Variants in IRF2 observed in about 807,000 individuals in gnomAD.
The protein encoded by IRF2 is interferon regulatory factor 2.
A neutral mutation model predicts 40.6 loss-of-function variants in IRF2; 15 were observed. That is an observed-to-expected ratio of 0.37 (90% confidence interval 0.25 to 0.57). The LOEUF is 0.57. IRF2 is among the 20% of genes least tolerant of loss of function. The pLI is 0.77. For missense variants in IRF2, 317 were observed against 455.7 expected (o/e 0.70, Z 2.77); for synonymous variants, 151 against 165.5 (o/e 0.91, Z 0.67).
intron 8 of IRF2, 146 bp from the exon 9 acceptor site, chr4:184,389,212 G>A (rs1274570624): frequency 1.3e-6 from 1 of 762,054 alleles, no homozygotes; most frequent in South Asian, 1.6e-5. Context: ...TTAACCTCAG[G>A]AGTTTGAGAC....
In IRF2 at chr4:184,388,889, G is replaced by C. The variant is rs199721289; in HGVS notation, c.919C>G (p.Pro307Ala). The change falls in exon 9 of 9, where the codon CCT (proline) becomes GCT (alanine). Residue 307 changes from proline to alanine, a missense_variant. By Grantham distance (27) the Pro-to-Ala change is conservative. Transcript: ENST00000393593. The surrounding 1 kb of genome is among the most constrained non-coding windows in gnomAD (Gnocchi z 4.6). Reference sequence around the variant, plus strand: ...GAAGAAAGGGGGAGGTCTTGAAAAGGGGGCCAGGAGCTGTTGTAAGGCACC... The same window carrying C: ...GAAGAAAGGGGGAGGTCTTGAAAAGCGGGCCAGGAGCTGTTGTAAGGCACC... The part of the protein sequence containing the change: ...NPVPYNSSWP[P>A]FQDLPLSSSM... 2 of 1,614,078 alleles carry C rather than the reference G, an allele frequency of 1.2e-6. No homozygotes were observed. The highest frequency in any genetic ancestry group is 2.7e-5 in the African/African-American group (2 of 75,004).
At chr4:184,430,676 A>G (rs1256296034) in intron 1 of IRF2, among the ~76,000 whole-genome samples, 2 of 152,046 alleles carry the variant, frequency 1.3e-5, no homozygotes, top group Non-Finnish European at 2.9e-5. Flanking sequence ...AACCAAATTT[A>G]AGTTCTACCG....
chr4:184,470,168 C>G (rs1257900998), intron 1 of IRF2, among the ~76,000 whole-genome samples: 1 of 152,142 alleles, frequency 6.6e-6, no homozygotes, highest in East Asian at 1.9e-4. Flanking sequence ...CCTCCTACCC[C>G]TGTGCAGGAA....
At chr4:184,440,897 T>G (rs1454447665) in intron 1 of IRF2, among the ~76,000 whole-genome samples, 1 of 152,144 alleles carries the variant, frequency 6.6e-6, no homozygotes, top group Admixed American at 6.5e-5. Context: ...CCTACAGGGT[T>G]GGAGATCTCT....
At chr4:184,393,452 G>A (rs1183066786) in intron 7 of IRF2, among the ~76,000 whole-genome samples, 1 of 152,168 alleles carries the variant, frequency 6.6e-6, no homozygotes, top group Non-Finnish European at 1.5e-5. Flanking sequence ...AACCAAGCAT[G>A]CTTTGGGGGC....
chr4:184,410,155 C>T (rs1179215379), intron 5 of IRF2, among the ~76,000 whole-genome samples: 2 of 152,122 alleles, frequency 1.3e-5, no homozygotes, highest in Non-Finnish European at 2.9e-5. Flanking sequence ...ATCAGAAGGG[C>T]CTGGAGCAAA....
chr4:184,445,783 A>C (rs924954381), intron 1 of IRF2, among the ~76,000 whole-genome samples: 1 of 152,148 alleles, frequency 6.6e-6, no homozygotes, highest in African/African-American at 2.4e-5. Flanking sequence ...CCAAAAGCCC[A>C]TTTGATGCAA....
At position 184,435,552 on chromosome 4, in the gene IRF2, A is replaced by G. The variant is rs115099879; in HGVS notation, c.-6-6482T>C. On this transcript the variant is annotated intron_variant, in intron 1 of 8. Transcript: ENST00000393593. ...ATTTAAATGCATCAGAGAGCTAACAAGGTAGTTAAAAATTAGGGGGGCAAG... is the reference window on the plus strand; with the variant it reads ...ATTTAAATGCATCAGAGAGCTAACAGGGTAGTTAAAAATTAGGGGGGCAAG... Among the ~76,000 whole-genome samples, 639 of 152,304 alleles carry G rather than the reference A, an allele frequency of 4.2e-3. 3 individuals are homozygous for G. Among genetic ancestry groups the G allele is most frequent in the African/African-American group, 0.015 (611 of 41,576 alleles).
chr4:184,405,566 T>A (rs1736824403), intron 6 of IRF2, among the ~76,000 whole-genome samples: 1 of 152,192 alleles, frequency 6.6e-6, no homozygotes, highest in Non-Finnish European at 1.5e-5. Context: ...CTGGGGGAAC[T>A]CAGCTCCTTC....
chr4:184,388,688 A>C lies in IRF2; in HGVS notation c.*70T>G. On this transcript the variant is annotated 3_prime_UTR_variant, in exon 9 of 9. Transcript: ENST00000393593. This position sits in a 1 kb window ranked among gnomAD's most constrained non-coding sequence, Gnocchi z 4.6. The stretch of plus-strand genomic sequence containing the variant: ...GTCTAAAATAGGTGTCAGAGAGAAA[A>C]AAATAAAATACAAACAAACAACAAA... 2 of 1,507,536 alleles carry C rather than the reference A, an allele frequency of 1.3e-6. No homozygotes were observed. The highest frequency in any genetic ancestry group is 1.8e-6 in the Non-Finnish European group (2 of 1,113,404). 93.4% of individuals were successfully genotyped at this position (1,507,536 alleles called of 1,614,324 possible).
chr4:184,409,012 C>A (rs2149896792), intron 5 of IRF2, among the ~76,000 whole-genome samples: 1 of 152,146 alleles, frequency 6.6e-6, no homozygotes, highest in Non-Finnish European at 1.5e-5. Context: ...TCAAGTGCAC[C>A]AGAACCCTCC....
intron 7 of IRF2, 21 bp downstream of exon 7, chr4:184,398,894 G>C (rs772168170): frequency 6.4e-7 from 1 of 1,568,130 alleles, no homozygotes; most frequent in African/African-American, 1.4e-5. Context: ...ACGCCTCCCG[G>C]AGCCTCCCGC....
intron 1 of IRF2, among the ~76,000 whole-genome samples, chr4:184,470,822 G>A (rs1480201565): frequency 6.6e-6 from 1 of 152,110 alleles, no homozygotes; most frequent in African/African-American, 2.4e-5. Context: ...AAAGCACAGA[G>A]AGGCTTGGGA....
intron 1 of IRF2, among the ~76,000 whole-genome samples, chr4:184,462,465 T>C (rs372372950): frequency 6.6e-6 from 1 of 152,360 alleles, no homozygotes. Context: ...TGAAGGCAAC[T>C]GTAAAATACT....
intron 5 of IRF2, among the ~76,000 whole-genome samples, chr4:184,411,818 C>A (rs1737083497): frequency 6.6e-6 from 1 of 151,918 alleles, no homozygotes. Context: ...CTCCTGGACC[C>A]CCGATGCCCC....
intron 7 of IRF2, among the ~76,000 whole-genome samples, chr4:184,391,116 T>C (rs1202311556): frequency 2.5e-4 from 38 of 152,206 alleles, no homozygotes; most frequent in Admixed American, 2.5e-3. Flanking sequence ...CAGTGCAGAG[T>C]TGACCGTTTC....
chr4:184,388,583 C>G lies in IRF2; in HGVS notation c.*175G>C, dbSNP rs1736137004. 1.6e-6 allele frequency: 1 copy of G among 634,268 alleles called. No homozygotes were observed. Among genetic ancestry groups the G allele is most frequent in the Non-Finnish European group, 2.7e-6 (1 of 377,170 alleles). The allele number at this position is 634,268 out of a possible 1,614,324, so 39.3% of individuals were successfully genotyped here. On this transcript the variant is annotated 3_prime_UTR_variant, in exon 9 of 9. Coordinates refer to ENST00000393593, the MANE Select transcript of IRF2 (RefSeq NM_002199.4). The surrounding 1 kb of genome is among the most constrained non-coding windows in gnomAD (Gnocchi z 4.6). ...ACACGTCTACCAATGGGCTGGAGTC[C>G]TGAGTTAAAGAGAAGCTCCAGTACT... is the stretch of plus-strand genomic sequence containing the variant.
chr4:184,461,439 T>C (rs1739140880), intron 1 of IRF2, among the ~76,000 whole-genome samples: 1 of 152,196 alleles, frequency 6.6e-6, no homozygotes, highest in Admixed American at 6.5e-5. Context: ...ATAAGTAAAA[T>C]CGTTTCTGGA....
intron 1 of IRF2, among the ~76,000 whole-genome samples, chr4:184,458,809 G>A (rs1739033288): frequency 6.6e-6 from 1 of 152,142 alleles, no homozygotes; most frequent in African/African-American, 2.4e-5. Context: ...AACCAACAAT[G>A]AATTTGCTTC....
Sources: allele counts gnomAD v4.1 joint callset (sites outside exome capture counted in the v4.1 genomes callset), GRCh38; gene constraint gnomAD v4.1.1; non-coding constraint Gnocchi (gnomAD v3.1); transcripts MANE v1.5; gene names NCBI Gene and HGNC (gene_info 2026-07-23, HGNC 2026-07-21).